SMYD3: variants seen among roughly 807,000 people sequenced by gnomAD.
SMYD3 encodes histone-lysine N-methyltransferase SMYD3.
Under a neutral mutation model 57.7 loss-of-function variants are expected in SMYD3, and 36 were observed. The ratio of observed to expected loss-of-function variants is 0.62; its 90% confidence interval spans 0.48 to 0.82. The LOEUF (loss-of-function observed/expected upper bound fraction) is 0.82. SMYD3 is among the 40% of genes least tolerant of loss of function. The probability of loss-of-function intolerance (pLI) is 0.00; values close to 1 mark genes in which losing one functional copy is unlikely to be tolerated. For missense variants in SMYD3, 515 were observed against 538.8 expected (o/e 0.96, Z 0.44); for synonymous variants, 211 against 195.0 (o/e 1.08, Z -0.68).
intron 5 of SMYD3, among the ~76,000 whole-genome samples, chr1:245,940,200 C>G (rs1007715248): frequency 6.6e-6 from 1 of 152,222 alleles, no homozygotes; most frequent in Non-Finnish European, 1.5e-5. Context: ...TTAGTCTTTC[C>G]TGCCTGCTAG....
intron 8 of SMYD3, among the ~76,000 whole-genome samples, chr1:245,868,518 G>T (rs79874477): frequency 0.011 from 1,732 of 152,254 alleles, 16 homozygotes; most frequent in Non-Finnish European, 0.018. Context: ...GCCCAGGGCA[G>T]AACAATTTCA....
chr1:245,914,707 T>C (rs964128554), intron 8 of SMYD3, among the ~76,000 whole-genome samples: 3 of 152,230 alleles, frequency 2.0e-5, no homozygotes, highest in African/African-American at 7.2e-5. Context: ...GTTCACTTTA[T>C]TTTATTGTAT....
chr1:246,266,297 T>A (rs2064105147), intron 5 of SMYD3, among the ~76,000 whole-genome samples: 1 of 152,170 alleles, frequency 6.6e-6, no homozygotes, highest in Non-Finnish European at 1.5e-5. Context: ...CTTTTTTTAA[T>A]CGGGCAACTT....
chr1:246,448,513 T>C (rs1011560965), intron 1 of SMYD3, among the ~76,000 whole-genome samples: 2 of 151,934 alleles, frequency 1.3e-5, no homozygotes, highest in African/African-American at 4.8e-5. Flanking sequence ...CGTAGGTAAC[T>C]ACGACCCACG....
intron 9 of SMYD3, 77 bp downstream of exon 9, chr1:245,863,722 A>G (rs12123124): frequency 0.65 from 894,585 of 1,365,932 alleles, 310,574 homozygotes; most frequent in Non-Finnish European, 0.73. Context: ...CCCGCCTCTG[A>G]CCTCATTACG....
At chr1:246,506,962 G>T in intron 1 of SMYD3, 92 bp downstream of exon 1, 1 of 1,203,592 alleles carries the variant, frequency 8.3e-7, no homozygotes, top group Non-Finnish European at 1.1e-6. Flanking sequence ...CATCCAGCAG[G>T]AGTCCCGCGG....
At chr1:246,036,720 ATTT>A (rs546300378) in intron 5 of SMYD3, among the ~76,000 whole-genome samples, 3 of 110,524 alleles carry the variant, frequency 2.7e-5, no homozygotes, top group African/African-American at 7.9e-5. Flanking sequence ...AGCCCGGCTA[ATTT>A]TTTTTTTTTT....
intron 5 of SMYD3, among the ~76,000 whole-genome samples, chr1:246,102,919 C>T (rs4654087): frequency 0.84 from 128,086 of 152,036 alleles, 54,159 homozygotes; most frequent in Admixed American, 0.89. Flanking sequence ...TTCTCCTTCA[C>T]TGACATTCAT....
chr1:246,039,685 G>A (rs2059835579), intron 5 of SMYD3, among the ~76,000 whole-genome samples: 1 of 152,184 alleles, frequency 6.6e-6, no homozygotes, highest in African/African-American at 2.4e-5. Context: ...CAGTTTAGTT[G>A]AGCCACAAGA....
intron 5 of SMYD3, among the ~76,000 whole-genome samples, chr1:246,262,586 T>C (rs2064031503): frequency 6.6e-6 from 1 of 152,110 alleles, no homozygotes; most frequent in South Asian, 2.1e-4. Context: ...ATATATTTCT[T>C]ATGGACTTTC....
chr1:246,043,889 A>C (rs951168855), intron 5 of SMYD3, among the ~76,000 whole-genome samples: 2 of 152,154 alleles, frequency 1.3e-5, no homozygotes, highest in Non-Finnish European at 2.9e-5. Flanking sequence ...AGTGGACTGG[A>C]TAATGACTCG....
At position 246,291,856 on chromosome 1, in the gene SMYD3, A is replaced by G. The variant is rs187062157; in HGVS notation, c.531+35345T>C. On this transcript the variant is annotated intron_variant, in intron 5 of 11. Coordinates refer to ENST00000490107, the MANE Select transcript of SMYD3 (RefSeq NM_001167740.2). ...AGTAAAGGAGCCATTTCTACCTCCC[A>G]TGACCAATGCAATACACCAGCATCT... is the stretch of plus-strand genomic sequence containing the variant. 7.4e-4 allele frequency among the ~76,000 whole-genome samples: 112 copies of G among 152,358 alleles called. 3 individuals carry two copies. The East Asian group carries it at 0.018, about 25-fold the overall frequency.
intron 5 of SMYD3, among the ~76,000 whole-genome samples, chr1:246,099,146 T>G (rs1056394526): frequency 2.0e-5 from 3 of 152,242 alleles, no homozygotes; most frequent in East Asian, 1.9e-4. Flanking sequence ...AGCCAGTTTG[T>G]GTCGGGCCTA....
At chr1:246,458,831 T>C (rs1378739172) in intron 1 of SMYD3, among the ~76,000 whole-genome samples, 1 of 152,044 alleles carries the variant, frequency 6.6e-6, no homozygotes, top group African/African-American at 2.4e-5. Context: ...CCTAACCTAG[T>C]GCCAGGAACA....
intron 10 of SMYD3, among the ~76,000 whole-genome samples, chr1:245,781,244 T>C (rs139164170): frequency 6.6e-6 from 1 of 152,344 alleles, no homozygotes; most frequent in Non-Finnish European, 1.5e-5. Context: ...GATATGTAAA[T>C]TATGCTTCAA....
chr1:246,118,020 A>G (rs1466935648), intron 5 of SMYD3, among the ~76,000 whole-genome samples: 1 of 152,182 alleles, frequency 6.6e-6, no homozygotes, highest in African/African-American at 2.4e-5. Flanking sequence ...GCTGATAATG[A>G]ACTTTTAAAG....
intron 1 of SMYD3, among the ~76,000 whole-genome samples, chr1:246,482,829 A>G (rs2068129190): frequency 6.6e-6 from 1 of 152,224 alleles, no homozygotes; most frequent in African/African-American, 2.4e-5. Context: ...GGAAACGTCC[A>G]ACAAGATCCT....
intron 1 of SMYD3, among the ~76,000 whole-genome samples, chr1:246,464,613 G>A (rs2067855689): frequency 6.6e-6 from 1 of 152,208 alleles, no homozygotes; most frequent in Non-Finnish European, 1.5e-5. Flanking sequence ...GAAGGGTTTA[G>A]CCCCTCCTCT....
chr1:245,891,420 T>C (rs2053378657), intron 8 of SMYD3, among the ~76,000 whole-genome samples: 2 of 152,222 alleles, frequency 1.3e-5, no homozygotes, highest in African/African-American at 4.8e-5. Context: ...CAAAAGAGGA[T>C]TGGTCTCTTG....
Sources: allele counts gnomAD v4.1 joint callset (sites outside exome capture counted in the v4.1 genomes callset), GRCh38; gene constraint gnomAD v4.1.1; transcripts MANE v1.5; gene names NCBI Gene and HGNC (gene_info 2026-07-23, HGNC 2026-07-21).